OR51B5: variants seen among roughly 807,000 people sequenced by gnomAD.
OR51B5 encodes olfactory receptor 51B5.
For missense variants in OR51B5, 456 were observed against 374.6 expected, an observed-to-expected ratio of 1.22 and a Z score of -1.79; for synonymous variants, 186 against 144.8, an observed-to-expected ratio of 1.28 and a Z score of -2.04.
At chr11:5,406,219 C>T (rs1366095482) in intron 1 of OR51B5, among the ~76,000 whole-genome samples, 11 of 152,178 alleles carry the variant, frequency 7.2e-5, no homozygotes, top group Non-Finnish European at 1.5e-4. Flanking sequence ...ATTGGAAATA[C>T]TGAAGTTCTG....
At chr11:5,415,264 A>G (rs372349206) in intron 1 of OR51B5, among the ~76,000 whole-genome samples, 7 of 150,896 alleles carry the variant, frequency 4.6e-5, no homozygotes, top group Admixed American at 2.7e-4. Context: ...TCTCTGGGAC[A>G]CATTCAAAGC....
intron 1 of OR51B5, among the ~76,000 whole-genome samples, chr11:5,409,126 A>C (rs1022656636): frequency 2.0e-5 from 3 of 152,202 alleles, no homozygotes; most frequent in Admixed American, 6.5e-5. Context: ...GTCATATTTT[A>C]AAATCACTGT....
At chr11:5,495,515 G>T (rs766479307) in intron 1 of OR51B5, among the ~76,000 whole-genome samples, 2 of 152,146 alleles carry the variant, frequency 1.3e-5, no homozygotes, top group African/African-American at 4.8e-5. Flanking sequence ...TTTAACTTAG[G>T]TTATCAGCTT....
At chr11:5,408,214 G>A (rs971880) in intron 1 of OR51B5, among the ~76,000 whole-genome samples, 57,816 of 151,762 alleles carry the variant, frequency 0.38, 12,629 homozygotes, top group Non-Finnish European at 0.49. Flanking sequence ...ACTCTTCCTT[G>A]CTCACTCCAG....
intron 1 of OR51B5, among the ~76,000 whole-genome samples, chr11:5,354,421 C>T (rs1438249702): frequency 6.6e-6 from 1 of 152,180 alleles, no homozygotes; most frequent in Admixed American, 6.5e-5. Context: ...AGTTTCTCTC[C>T]TCCCTTTCTG....
chr11:5,442,936 C>G (rs1327456162), intron 1 of OR51B5, among the ~76,000 whole-genome samples: 4 of 152,164 alleles, frequency 2.6e-5, no homozygotes, highest in Admixed American at 2.6e-4. Context: ...TTCAAGGGTA[C>G]TATTTGTCCA....
chr11:5,432,479 T>C (rs1427992120), intron 1 of OR51B5, among the ~76,000 whole-genome samples: 2 of 152,202 alleles, frequency 1.3e-5, no homozygotes, highest in African/African-American at 2.4e-5. Context: ...ATGAATGTAA[T>C]AATACTATTC....
At chr11:5,488,982 T>G in intron 1 of OR51B5, 3 of 1,614,106 alleles carry the variant, frequency 1.9e-6, no homozygotes, top group Non-Finnish European at 2.5e-6. Context: ...GGCTCCATGC[T>G]GGTGAGATTT....
chr11:5,389,975 C>T (rs1470806196), intron 1 of OR51B5: 19 of 1,612,208 alleles, frequency 1.2e-5, no homozygotes, highest in Non-Finnish European at 1.6e-5. Flanking sequence ...ATTTTGCCTG[C>T]ACCAGGAAGT....
At chr11:5,407,375 A>G (rs539706164) in intron 1 of OR51B5, among the ~76,000 whole-genome samples, 24 of 152,238 alleles carry the variant, frequency 1.6e-4, no homozygotes, top group African/African-American at 5.3e-4. Flanking sequence ...CCTGAGTTTC[A>G]GCTGCCTTAA....
chr11:5,441,307 G>A, intron 1 of OR51B5: 2 of 1,613,956 alleles, frequency 1.2e-6, no homozygotes, highest in Non-Finnish European at 1.7e-6. Context: ...AGATCATTGA[G>A]AGCGAGCATA....
chr11:5,459,809 G>A, intron 1 of OR51B5, among the ~76,000 whole-genome samples: 1 of 152,168 alleles, frequency 6.6e-6, no homozygotes, highest in East Asian at 1.9e-4. Context: ...AACCATTGTG[G>A]AAAGCAGTGT....
At chr11:5,417,616 C>T (rs1049081832) in intron 1 of OR51B5, among the ~76,000 whole-genome samples, 2 of 151,294 alleles carry the variant, frequency 1.3e-5, no homozygotes, top group African/African-American at 4.8e-5. Flanking sequence ...GGGCGAAGGA[C>T]ATGAACAGAC....
At chr11:5,415,598 C>T (rs562815207) in intron 1 of OR51B5, among the ~76,000 whole-genome samples, 1 of 152,120 alleles carries the variant, frequency 6.6e-6, no homozygotes, top group Non-Finnish European at 1.5e-5. Flanking sequence ...GGGGATATCA[C>T]CACCGATCCC....
intron 1 of OR51B5, among the ~76,000 whole-genome samples, chr11:5,360,443 A>T (rs1460826832): frequency 0.031 from 4,638 of 151,196 alleles, 231 homozygotes; most frequent in African/African-American, 0.1. Context: ...ACAGTGAGAT[A>T]CCATCTCACA....
chr11:5,465,652 C>T (rs1851129600), intron 1 of OR51B5, among the ~76,000 whole-genome samples: 1 of 140,438 alleles, frequency 7.1e-6, no homozygotes, highest in South Asian at 2.5e-4. Context: ...GAAATAACGA[C>T]GCATATCTAC....
At chr11:5,432,905 C>T (rs543232236) in intron 1 of OR51B5, among the ~76,000 whole-genome samples, 1 of 152,108 alleles carries the variant, frequency 6.6e-6, no homozygotes, top group African/African-American at 2.4e-5. Context: ...TGAGTTTTAG[C>T]TTTGACAACG....
intron 1 of OR51B5, among the ~76,000 whole-genome samples, chr11:5,472,006 CCAAT>C (rs2133801764): frequency 6.6e-6 from 1 of 152,226 alleles, no homozygotes; most frequent in South Asian, 2.1e-4. Flanking sequence ...ATTCAGTTTC[CCAAT>C]CAAAGGTTCC....
intron 1 of OR51B5, among the ~76,000 whole-genome samples, chr11:5,367,875 G>C (rs531708520): frequency 6.6e-6 from 1 of 152,182 alleles, no homozygotes; most frequent in South Asian, 2.1e-4. Context: ...TGTGCTTTCT[G>C]CCTATATCTA....
Sources: gnomAD v4.1 joint callset for allele counts (sites outside exome capture counted in the v4.1 genomes callset) on GRCh38, gnomAD v4.1.1 for gene constraint, MANE v1.5 for transcripts, NCBI Gene and HGNC (gene_info 2026-07-23, HGNC 2026-07-21) for gene names.